The following CSMD1 variants were observed in gnomAD, a reference collection of about 807,000 sequenced individuals.
CSMD1 encodes CUB and Sushi multiple domains 1, also known as CUB and sushi domain-containing protein 1.
Under a neutral mutation model 417.5 loss-of-function variants are expected in CSMD1, and 213 were observed. That is an observed-to-expected ratio of 0.51 (90% CI 0.46 to 0.57). CSMD1 has a LOEUF of 0.57. Ranked by LOEUF, CSMD1 falls within the 20% of genes least tolerant of loss-of-function variation. The pLI is 0.00. For synonymous variants in CSMD1, 2,862 were observed against 1,736.8 expected (o/e 1.65, Z -16.11); for missense variants, 6,923 against 4,529.7 (o/e 1.53, Z -15.17).
chr8:4,270,948 G>C (rs535503966), intron 3 of CSMD1, among the ~76,000 whole-genome samples: 43 of 152,146 alleles, frequency 2.8e-4, no homozygotes, highest in Admixed American at 2.6e-4. Context: ...GAGAGAGAGG[G>C]AGCACTTTAA....
chr8:4,445,320 A>C (rs531543952), intron 2 of CSMD1, among the ~76,000 whole-genome samples: 79 of 152,190 alleles, frequency 5.2e-4, no homozygotes, highest in African/African-American at 1.4e-3. Context: ...TAAATCAACC[A>C]TTTTCTGTAT....
chr8:4,187,535 T>A (rs997857264), intron 3 of CSMD1, among the ~76,000 whole-genome samples: 2 of 151,996 alleles, frequency 1.3e-5, no homozygotes, highest in South Asian at 2.1e-4. Context: ...TCCCAGCTAC[T>A]TGGGAGACTC....
intron 2 of CSMD1, among the ~76,000 whole-genome samples, chr8:4,449,464 A>G (rs1010926977): frequency 6.6e-6 from 1 of 152,180 alleles, no homozygotes; most frequent in Non-Finnish European, 1.5e-5. Flanking sequence ...TAATTCAGTT[A>G]TTAAAACCAT....
At chr8:3,395,271 A>C (rs1450417769) in intron 17 of CSMD1, among the ~76,000 whole-genome samples, 1 of 152,146 alleles carries the variant, frequency 6.6e-6, no homozygotes, top group African/African-American at 2.4e-5. Flanking sequence ...GGCAAAATAA[A>C]AGTCTGATTC....
chr8:4,398,817 G>T (rs907470277), intron 3 of CSMD1, among the ~76,000 whole-genome samples: 1 of 152,122 alleles, frequency 6.6e-6, no homozygotes, highest in African/African-American at 2.4e-5. Flanking sequence ...ATCTTGTGTG[G>T]TATTTTCTTT....
intron 54 of CSMD1, among the ~76,000 whole-genome samples, chr8:2,989,145 G>C (rs1232838800): frequency 6.6e-6 from 1 of 152,186 alleles, no homozygotes; most frequent in Non-Finnish European, 1.5e-5. Flanking sequence ...GTAAGAATCA[G>C]ACCATATTGC....
chr8:3,252,484 T>C (rs980874142), intron 26 of CSMD1, among the ~76,000 whole-genome samples: 10 of 152,240 alleles, frequency 6.6e-5, no homozygotes, highest in Non-Finnish European at 1.3e-4. Flanking sequence ...TTGAGGATTT[T>C]TGCTTTGATG....
Position 3,142,552 on chromosome 8 carries a change from C to T in CSMD1, c.6154G>A (p.Ala2052Thr), listed in dbSNP as rs925571953. 4 of 1,613,844 alleles carry T rather than the reference C, an allele frequency of 2.5e-6. No individual in the cohort carries two copies. The highest frequency in any genetic ancestry group is 2.7e-5 in the African/African-American group (2 of 74,910). ...GQFSGTDLPA[A>T]LLSTTHETLI... ...GTTTCATGCGTTGTGCTCAGCAGGG[C>T]CGCGGGGAGATCCGTGCCGCTAAAT... is the stretch of plus-strand genomic sequence containing the variant. Residue 2052 changes from alanine to threonine, a missense_variant, in exon 41 of 70, where the codon GCC becomes ACC. Transcript: ENST00000635120.
rs535341069 is a variant in CSMD1, at chr8:3,189,980, G to A, written c.5330C>T (p.Thr1777Met). Residue 1777 changes from threonine (T) to methionine (M), a missense_variant, in exon 34 of 70, where the codon ACG becomes ATG. Transcript: ENST00000635120. ...CNPGYLLQGSTALHCQSVPNA... is the reference protein window; with the variant it reads ...CNPGYLLQGSMALHCQSVPNA... ...GGGCACGGACTGGCAGTGGAGCGCC[G>A]TGGAACCCTGAAGCAGGTATCCCGG... 165 of 1,598,524 alleles carry A rather than the reference G, an allele frequency of 1.0e-4. 1 individual carries two copies. The South Asian group carries it at 1.8e-3, about 17-fold the overall frequency.
At chr8:4,986,766 T>C (rs1811200618) in intron 1 of CSMD1, among the ~76,000 whole-genome samples, 1 of 152,068 alleles carries the variant, frequency 6.6e-6, no homozygotes, top group Admixed American at 6.5e-5. Flanking sequence ...ATACCGATAA[T>C]AGAGGCACTG....
intron 5 of CSMD1, among the ~76,000 whole-genome samples, chr8:3,865,765 G>C (rs1011493519): frequency 2.6e-5 from 4 of 152,064 alleles, no homozygotes; most frequent in South Asian, 2.1e-4. Context: ...CTATTTGCTA[G>C]GTTTCCGTCA....
chr8:4,329,898 G>C (rs534217874), intron 3 of CSMD1, among the ~76,000 whole-genome samples: 2 of 151,406 alleles, frequency 1.3e-5, no homozygotes, highest in African/African-American at 2.4e-5. Context: ...TTTCTCTCTT[G>C]TTCCTGCTCT....
At chr8:3,711,107 T>C (rs557458186) in intron 6 of CSMD1, among the ~76,000 whole-genome samples, 13 of 152,276 alleles carry the variant, frequency 8.5e-5, no homozygotes, top group Middle Eastern at 3.4e-3. Context: ...AGCAATATTT[T>C]CCCCAAAAGA....
intron 10 of CSMD1, among the ~76,000 whole-genome samples, chr8:3,551,743 A>G (rs1338152270): frequency 6.6e-6 from 1 of 152,074 alleles, no homozygotes; most frequent in African/African-American, 2.4e-5. Flanking sequence ...TCACTTGTAT[A>G]CTAAAGTCCG....
At chr8:4,793,510 AC>A (rs1797804891) in intron 1 of CSMD1, among the ~76,000 whole-genome samples, 1 of 151,728 alleles carries the variant, frequency 6.6e-6, no homozygotes. Flanking sequence ...GTTCCCAGAC[AC>A]CTACACCAGG....
Position 3,554,621 on chromosome 8 carries a change from G to C in CSMD1, c.1344+20324C>G, listed in dbSNP as rs991663695. 2.6e-5 allele frequency among the ~76,000 whole-genome samples: 4 copies of C among 152,226 alleles called. No homozygotes were observed. In the East Asian group the frequency reaches 7.7e-4, roughly 29 times the overall value. Reference sequence around the variant, plus strand: ...CATGGCCAGGCCAAAGAGGATCTGAGCAGGTGGGAGAAATAGCCCATGAAT... The same window carrying C: ...CATGGCCAGGCCAAAGAGGATCTGACCAGGTGGGAGAAATAGCCCATGAAT... On this transcript the variant is annotated intron_variant, in intron 10 of 69. Coordinates refer to ENST00000635120, the MANE Select transcript of CSMD1 (RefSeq NM_033225.6).
chr8:4,091,678 A>G (rs1800728399), intron 3 of CSMD1, among the ~76,000 whole-genome samples: 1 of 152,188 alleles, frequency 6.6e-6, no homozygotes, highest in African/African-American at 2.4e-5. Context: ...TCACTCCCTA[A>G]AATCTGTGAA....
At chr8:4,258,579 G>A (rs895051554) in intron 3 of CSMD1, among the ~76,000 whole-genome samples, 1 of 61,252 alleles carries the variant, frequency 1.6e-5, no homozygotes, top group Admixed American at 1.6e-4. Flanking sequence ...AGAATGGAAG[G>A]AAGGAGGGAT....
At chr8:4,993,708 G>A (rs1811602418) in intron 1 of CSMD1, among the ~76,000 whole-genome samples, 1 of 152,224 alleles carries the variant, frequency 6.6e-6, no homozygotes, top group Non-Finnish European at 1.5e-5. Flanking sequence ...CAACTTGCAA[G>A]GAGCGAAGTC....
Sources: allele counts gnomAD v4.1 joint callset (sites outside exome capture counted in the v4.1 genomes callset), GRCh38; gene constraint gnomAD v4.1.1; transcripts MANE v1.5; gene names NCBI Gene and HGNC (gene_info 2026-07-23, HGNC 2026-07-21).